Variants in PRR16 observed in about 807,000 individuals in gnomAD.
PRR16 encodes proline rich 16, also known as protein Largen.
PRR16 carries 6 observed loss-of-function variants against 18.2 expected under a neutral mutation model. The ratio of observed to expected loss-of-function variants is 0.33; its 90% confidence interval spans 0.18 to 0.65. The LOEUF is 0.65. Among genes scored for constraint, PRR16 ranks in the 30% least tolerant of loss-of-function variants. The pLI, the probability that PRR16 is intolerant of heterozygous loss-of-function variation, is 0.74. For synonymous variants in PRR16, 151 were observed against 147.8 expected (o/e 1.02, Z -0.16); for missense variants, 412 against 376.6 (o/e 1.09, Z -0.78).
chr5:120,691,074 A>G (rs1757203327), downstream of PRR16, among the ~76,000 whole-genome samples: 1 of 152,180 alleles, frequency 6.6e-6, no homozygotes, highest in African/African-American at 2.4e-5. Flanking sequence ...ATACTAATAT[A>G]TAACATAGGA....
rs1757140608 is a variant in PRR16 at position 120,686,718 on chromosome 5, AT to A, written c.*11del. 1 of 1,450,130 alleles carries A rather than the reference AT, an allele frequency of 6.9e-7. No individual in the cohort carries two copies. Among genetic ancestry groups the A allele is most frequent in the African/African-American group, 1.4e-5 (1 of 70,832 alleles). 89.8% of individuals were successfully genotyped at this position (1,450,130 alleles called of 1,614,324 possible). A position where few individuals can be genotyped will look rare whatever the true frequency, so the allele number is the denominator to read the frequency against. On this transcript the variant is annotated 3_prime_UTR_variant, in exon 2 of 2. Transcript: ENST00000407149. ...CCACTACAACCGTGTGATGTATGCC[AT>A]TAAAAAAATTGTTTTTTTAATTTTC... is the stretch of plus-strand genomic sequence containing the variant.
intron 1 of PRR16, chr5:120,618,412 G>A (rs1738297241): frequency 1.1e-6 from 1 of 918,828 alleles, no homozygotes; most frequent in Non-Finnish European, 1.3e-6. Context: ...TTAGTTTTGA[G>A]ATTATAGTAA....
chr5:120,596,401 C>A (rs1012719576), intron 1 of PRR16, among the ~76,000 whole-genome samples: 8 of 151,668 alleles, frequency 5.3e-5, no homozygotes, highest in Non-Finnish European at 8.9e-5. Flanking sequence ...AACCTGAGGA[C>A]CAAACTCTTC....
chr5:120,783,218 T>C, the PRR16 span, among the ~76,000 whole-genome samples: 2 of 152,202 alleles, frequency 1.3e-5, no homozygotes, highest in Non-Finnish European at 1.5e-5. Context: ...CAATAATCAT[T>C]TTCAATGTGA....
chr5:120,696,187 A>G, the PRR16 span, among the ~76,000 whole-genome samples: 1 of 152,172 alleles, frequency 6.6e-6, no homozygotes, highest in South Asian at 2.1e-4. Flanking sequence ...GGTTGCAGTG[A>G]GCTGAGATCG....
At chr5:120,696,291 TA>T in the PRR16 span, among the ~76,000 whole-genome samples, 3 of 151,978 alleles carry the variant, frequency 2.0e-5, no homozygotes, top group Admixed American at 1.3e-4. Context: ...ACAACACAGG[TA>T]AAAATTCACA....
the PRR16 span, among the ~76,000 whole-genome samples, chr5:120,725,163 G>A: frequency 6.6e-6 from 1 of 152,044 alleles, no homozygotes; most frequent in Non-Finnish European, 1.5e-5. Flanking sequence ...CTTTTGGCCA[G>A]TTATGAGGCT....
the PRR16 span, among the ~76,000 whole-genome samples, chr5:120,784,718 T>A: frequency 0.06 from 9,122 of 152,270 alleles, 646 homozygotes; most frequent in African/African-American, 0.17. Context: ...TCTTTGAAAC[T>A]TTTTTCCCAG....
At chr5:120,733,550 T>A in the PRR16 span, among the ~76,000 whole-genome samples, 2 of 152,188 alleles carry the variant, frequency 1.3e-5, no homozygotes, top group Non-Finnish European at 2.9e-5. Context: ...AATTTCTACC[T>A]GTATTGCTGA....
chr5:120,649,355 G>A (rs903430247), intron 1 of PRR16, among the ~76,000 whole-genome samples: 2 of 152,066 alleles, frequency 1.3e-5, no homozygotes, highest in Non-Finnish European at 2.9e-5. Context: ...GACAGTCAAG[G>A]AAGCCCACAT....
At chr5:120,740,971 C>G in the PRR16 span, among the ~76,000 whole-genome samples, 3 of 151,874 alleles carry the variant, frequency 2.0e-5, no homozygotes, top group Non-Finnish European at 4.4e-5. Flanking sequence ...ATTAATTTTC[C>G]TATTAATATA....
At chr5:120,784,844 T>C in the PRR16 span, among the ~76,000 whole-genome samples, 2 of 152,172 alleles carry the variant, frequency 1.3e-5, no homozygotes, top group Admixed American at 6.5e-5. Context: ...TCTCTTAGAA[T>C]CACAAAACCA....
At chr5:120,543,399 T>A (rs1561539013) in intron 1 of PRR16, among the ~76,000 whole-genome samples, 1 of 152,166 alleles carries the variant, frequency 6.6e-6, no homozygotes, top group Non-Finnish European at 1.5e-5. Context: ...GACCATTATG[T>A]CAAATTATAT....
intron 1 of PRR16, among the ~76,000 whole-genome samples, chr5:120,668,204 T>A (rs1163734573): frequency 6.6e-6 from 1 of 151,108 alleles, no homozygotes; most frequent in Non-Finnish European, 1.5e-5. Context: ...TTTACCATTA[T>A]GTAATGGCCT....
chr5:120,697,909 C>G, the PRR16 span, among the ~76,000 whole-genome samples: 1 of 151,982 alleles, frequency 6.6e-6, no homozygotes, highest in Non-Finnish European at 1.5e-5. Flanking sequence ...GGTGGAATGT[C>G]ATCAGTTAAG....
chr5:120,761,570 A>G, the PRR16 span, among the ~76,000 whole-genome samples: 16 of 152,190 alleles, frequency 1.1e-4, no homozygotes, highest in Non-Finnish European at 1.5e-5. Flanking sequence ...AAATCAAGGT[A>G]TATTTTGTTT....
At chr5:120,788,070 CCT>C in the PRR16 span, among the ~76,000 whole-genome samples, 70 of 151,836 alleles carry the variant, frequency 4.6e-4, no homozygotes, top group Non-Finnish European at 6.9e-4. Context: ...CCAACCTACC[CCT>C]TAAATTTCAA....
the PRR16 span, among the ~76,000 whole-genome samples, chr5:120,761,219 C>A: frequency 6.6e-6 from 1 of 152,052 alleles, no homozygotes; most frequent in Non-Finnish European, 1.5e-5. Flanking sequence ...TCCATATCTT[C>A]TGTATTTCTT....
intron 1 of PRR16, among the ~76,000 whole-genome samples, chr5:120,569,689 T>C (rs898196755): frequency 3.3e-5 from 5 of 152,050 alleles, no homozygotes; most frequent in Non-Finnish European, 2.9e-5. Flanking sequence ...TGTCCTGTCA[T>C]GTTCCGGAGT....
Sources: gnomAD v4.1 joint callset for allele counts (sites outside exome capture counted in the v4.1 genomes callset) on GRCh38, gnomAD v4.1.1 for gene constraint, MANE v1.5 for transcripts, NCBI Gene and HGNC (gene_info 2026-07-23, HGNC 2026-07-21) for gene names.